DNM3: variants seen among roughly 807,000 people sequenced by gnomAD.
DNM3 encodes the protein dynamin-3.
DNM3 carries 47 observed loss-of-function variants against 101.6 expected under a neutral mutation model. That is an observed-to-expected ratio of 0.46 (90% CI 0.37 to 0.59). The LOEUF is 0.59. Among genes scored for constraint, DNM3 ranks in the 20% least tolerant of loss-of-function variants. DNM3 has a pLI of 0.00. For missense variants in DNM3, 849 were observed against 1,085.7 expected, an observed-to-expected ratio of 0.78 and a Z score of 3.06; for synonymous variants, 385 against 387.9, an observed-to-expected ratio of 0.99 and a Z score of 0.09.
intron 15 of DNM3, among the ~76,000 whole-genome samples, chr1:172,281,366 A>G (rs562341367): frequency 6.6e-6 from 1 of 152,292 alleles, no homozygotes; most frequent in South Asian, 2.1e-4. Flanking sequence ...CATGGTTCAC[A>G]AATGAATCAT....
intron 14 of DNM3, among the ~76,000 whole-genome samples, chr1:172,134,657 G>T (rs60895830): frequency 2.6e-5 from 4 of 152,112 alleles, no homozygotes; most frequent in Non-Finnish European, 4.4e-5. Context: ...TCTTATGAAG[G>T]CTCTTTCCCA....
chr1:172,016,021 CAAAA>C (rs55970040), intron 4 of DNM3, among the ~76,000 whole-genome samples: 1 of 136,152 alleles, frequency 7.3e-6, no homozygotes, highest in African/African-American at 2.6e-5. Context: ...ACTAAAATTA[CAAAA>C]AAAAAAAAAA....
intron 13 of DNM3, among the ~76,000 whole-genome samples, chr1:172,099,297 G>T (rs1302860798): frequency 3.9e-5 from 6 of 152,150 alleles, no homozygotes; most frequent in Non-Finnish European, 8.8e-5. Flanking sequence ...TCAACATGCA[G>T]GGAGATACCT....
chr1:172,133,923 G>A (rs2057079564), intron 14 of DNM3, among the ~76,000 whole-genome samples: 1 of 152,134 alleles, frequency 6.6e-6, no homozygotes, highest in Admixed American at 6.6e-5. Flanking sequence ...CCAATGGTTT[G>A]GATTTTATTA....
chr1:172,332,774 G>A (rs897487168), intron 17 of DNM3, among the ~76,000 whole-genome samples: 3 of 152,118 alleles, frequency 2.0e-5, no homozygotes, highest in African/African-American at 7.2e-5. Flanking sequence ...ATTGTCTAAG[G>A]CAAGCCACAT....
At chr1:172,057,764 G>C (rs2050768313) in intron 10 of DNM3, among the ~76,000 whole-genome samples, 2 of 151,714 alleles carry the variant, frequency 1.3e-5, no homozygotes, top group South Asian at 4.2e-4. Context: ...AGACCATCAA[G>C]ACTGGGAAGA....
Position 172,230,128 on chromosome 1 carries a change from G to T in DNM3, c.1660-23445G>T, listed in dbSNP as rs556601583. ...TGTTGTCATGGTTTTTTGTTTGTTT[G>T]TTTGGCCTATATTCTGAGAATTCTG... On this transcript the variant is annotated intron_variant, in intron 14 of 20. Coordinates refer to ENST00000627582, the MANE Select transcript of DNM3 (RefSeq NM_015569.5). 3.6e-4 allele frequency among the ~76,000 whole-genome samples: 55 copies of T among 151,976 alleles called. 1 individual carries two copies. The highest frequency in any genetic ancestry group is 1.2e-3 in the African/African-American group (50 of 41,398).
At chr1:172,053,701 G>A (rs1011280190) in intron 10 of DNM3, among the ~76,000 whole-genome samples, 2 of 152,094 alleles carry the variant, frequency 1.3e-5, no homozygotes, top group Admixed American at 1.3e-4. Flanking sequence ...TAGTATTTTA[G>A]CCATTCCTTT....
chr1:172,076,434 A>G (rs923148027), intron 11 of DNM3, among the ~76,000 whole-genome samples: 2 of 152,192 alleles, frequency 1.3e-5, no homozygotes, highest in East Asian at 3.8e-4. Flanking sequence ...CCCATTCAGT[A>G]TGATATTGGC....
At chr1:172,128,538 T>G (rs1485402088) in intron 13 of DNM3, among the ~76,000 whole-genome samples, 1 of 152,244 alleles carries the variant, frequency 6.6e-6, no homozygotes, top group Non-Finnish European at 1.5e-5. Context: ...ATGAAATTAA[T>G]TTTTACAATG....
chr1:172,043,735 G>C (rs1333073762), intron 8 of DNM3, among the ~76,000 whole-genome samples: 1 of 152,136 alleles, frequency 6.6e-6, no homozygotes, highest in South Asian at 2.1e-4. Context: ...GGAGGAAATG[G>C]ACAGACAATG....
At chr1:172,357,217 G>A (rs766157556) in intron 17 of DNM3, among the ~76,000 whole-genome samples, 6 of 152,038 alleles carry the variant, frequency 3.9e-5, no homozygotes, top group Admixed American at 6.6e-5. Context: ...ATGTTAAAAT[G>A]AGTAGGTAAA....
intron 14 of DNM3, among the ~76,000 whole-genome samples, chr1:172,218,137 T>A (rs1334828567): frequency 6.6e-6 from 1 of 152,136 alleles, no homozygotes; most frequent in Non-Finnish European, 1.5e-5. Context: ...CTAGACATAA[T>A]CTCAGTGTTA....
intron 2 of DNM3, among the ~76,000 whole-genome samples, chr1:171,966,732 C>T (rs983833402): frequency 2.0e-5 from 3 of 152,148 alleles, no homozygotes; most frequent in Non-Finnish European, 2.9e-5. Context: ...GTAACATACA[C>T]ACTATGTTCA....
chr1:172,363,594 T>A (rs1319561676), intron 17 of DNM3, among the ~76,000 whole-genome samples: 2 of 151,866 alleles, frequency 1.3e-5, no homozygotes, highest in African/African-American at 4.8e-5. Context: ...AGACAATAAT[T>A]GATCTCCCTG....
At chr1:172,345,716 G>C (rs2066897097) in intron 17 of DNM3, among the ~76,000 whole-genome samples, 1 of 152,126 alleles carries the variant, frequency 6.6e-6, no homozygotes, top group South Asian at 2.1e-4. Flanking sequence ...CATCATGCTT[G>C]ATTCTGGGCA....
intron 15 of DNM3, among the ~76,000 whole-genome samples, chr1:172,301,698 T>G (rs1268199906): frequency 6.6e-6 from 1 of 152,150 alleles, no homozygotes; most frequent in African/African-American, 2.4e-5. Context: ...CATCATACAT[T>G]TATATGAATG....
In DNM3 at chr1:171,894,692, C is replaced by G. The variant is rs141833967; in HGVS notation, c.162-27056C>G. On this transcript the variant is annotated intron_variant, in intron 1 of 20. Transcript: ENST00000627582. ...TGTTGGTTTGTTGCACCCATCAACT[C>G]GTCATTTACATTAGGTATTTCTCCT... Among the ~76,000 whole-genome samples the G allele has an allele frequency of 3.9e-5, 6 of 152,268 alleles. No individual in the cohort carries two copies. In the East Asian group the frequency reaches 9.6e-4, roughly 24 times the overall value.
chr1:172,255,167 C>G (rs1226030520), intron 15 of DNM3, among the ~76,000 whole-genome samples: 1 of 152,136 alleles, frequency 6.6e-6, no homozygotes, highest in Admixed American at 6.6e-5. Context: ...TTAAGTACAA[C>G]TAACTCCCCT....
Sources: allele counts gnomAD v4.1 joint callset (sites outside exome capture counted in the v4.1 genomes callset), GRCh38; gene constraint gnomAD v4.1.1; transcripts MANE v1.5; gene names NCBI Gene and HGNC (gene_info 2026-07-23, HGNC 2026-07-21).